The following TKFC variants were observed in gnomAD, a reference collection of about 807,000 sequenced individuals.
TKFC encodes triokinase/FMN cyclase.
In TKFC, 46 loss-of-function variants were observed where a neutral mutation model predicts 61.0. The ratio of observed to expected loss-of-function variants is 0.75; its 90% confidence interval spans 0.60 to 0.96. TKFC has a LOEUF of 0.96. Ranked by LOEUF, TKFC falls within the 50% of genes least tolerant of loss-of-function variation. The pLI is 0.00. For missense variants in TKFC, 715 were observed against 777.5 expected (o/e 0.92, Z 0.96); for synonymous variants, 314 against 330.1 (o/e 0.95, Z 0.53).
In TKFC at chr11:61,343,594, T is replaced by C; in HGVS notation, c.982+136T>C. On this transcript the variant is annotated intron_variant, in intron 11 of 17. Transcript: ENST00000394900. ...CCTGTGAAGAAGGCTCTTCCTGGGC[T>C]TCTCCAGCCTTCTCCAGCTCTCACT... The C allele has an allele frequency of 4.7e-6, 4 of 852,362 alleles. No individual in the cohort carries two copies. The Admixed American group carries it at 9.8e-5, about 21-fold the overall frequency. 52.8% of individuals were successfully genotyped at this position (852,362 alleles called of 1,614,324 possible).
At chr11:61,342,342 T>G in intron 7 of TKFC, 119 bp from the exon 8 acceptor site, 1 of 1,311,444 alleles carries the variant, frequency 7.6e-7, no homozygotes. Context: ...TCTGTCCATT[T>G]CCATCCCCCA....
In TKFC at chr11:61,346,150, G is replaced by T; in HGVS notation, c.1576-201G>T. ...CGCACACTGCCTGGGATGTGACAGG[G>T]CCTCAGTGAATGGTGACCCTTTTCC... On this transcript the variant is annotated intron_variant, in intron 17 of 17. Coordinates refer to ENST00000394900, the MANE Select transcript of TKFC (RefSeq NM_015533.4). This position sits in a 1 kb window ranked among gnomAD's most constrained non-coding sequence, Gnocchi z 4.1. 7.6e-7 allele frequency: 1 copy of T among 1,308,364 alleles called. No individual in the cohort carries two copies. Among genetic ancestry groups the T allele is most frequent in the Admixed American group, 2.6e-5 (1 of 38,900 alleles). 81.0% of individuals were successfully genotyped at this position (1,308,364 alleles called of 1,614,324 possible).
chr11:61,342,553 A>C (rs1194674533), intron 8 of TKFC, 21 bp from the exon 9 acceptor site: 5 of 1,613,856 alleles, frequency 3.1e-6, no homozygotes, highest in Non-Finnish European at 4.2e-6. Context: ...GATGCAGCTC[A>C]TTCCTGGCTC....
downstream of TKFC, chr11:61,353,146 A>G: frequency 6.3e-7 from 1 of 1,597,606 alleles, no homozygotes; most frequent in Non-Finnish European, 8.5e-7. Flanking sequence ...ACCACTGTGG[A>G]CAAAAGGGAG....
chr11:61,345,978 G>C (rs777486996), intron 17 of TKFC, 32 bp downstream of exon 17: 2 of 1,604,714 alleles, frequency 1.2e-6, no homozygotes, highest in African/African-American at 2.7e-5. Context: ...CACCTGGGGA[G>C]ACAGGCTTCT....
chr11:61,343,817 G>A (rs1349976253), intron 11 of TKFC, 39 bp from the exon 12 acceptor site: 3 of 1,587,818 alleles, frequency 1.9e-6, no homozygotes. Flanking sequence ...ATCCCTGGCT[G>A]GACAGCCGTG....
chr11:61,350,050 T>C (rs1012214889), downstream of TKFC: 5 of 508,098 alleles, frequency 9.8e-6, no homozygotes, highest in African/African-American at 9.6e-5. Flanking sequence ...ATGGAGGACC[T>C]GAGAGGCTGA....
chr11:61,336,551 C>T (rs1856613921), intron 2 of TKFC, among the ~76,000 whole-genome samples: 2 of 152,228 alleles, frequency 1.3e-5, no homozygotes, highest in African/African-American at 4.8e-5. Flanking sequence ...TCCACTATAT[C>T]ATGGGCATAT....
intron 12 of TKFC, 41 bp downstream of exon 12, chr11:61,344,016 A>C: frequency 7.5e-6 from 12 of 1,605,322 alleles, no homozygotes; most frequent in Non-Finnish European, 1.0e-5. Flanking sequence ...GGCTTCCCAA[A>C]GGATGCAGGA....
In TKFC at chr11:61,339,417, C is replaced by G. The variant is rs778328525; in HGVS notation, c.468C>G (p.Gly156=). The G allele has an allele frequency of 6.2e-7, 1 of 1,611,634 alleles. No homozygotes were observed. Among genetic ancestry groups the G allele is most frequent in the South Asian group, 1.1e-5 (1 of 90,916 alleles). Reference sequence around the variant, plus strand: ...AGGCAGGCCGGCGGGGGCTGTGCGGCACGGTGCTTATACACAAGGTGGGCT... The same window carrying G: ...AGGCAGGCCGGCGGGGGCTGTGCGGGACGGTGCTTATACACAAGGTGGGCT... ...LKKAGRRGLC[G]TVLIHKVAGA... Residue 156 remains glycine, a synonymous_variant, in exon 5 of 18, where the codon GGC becomes GGG. Coordinates refer to ENST00000394900, the MANE Select transcript of TKFC (RefSeq NM_015533.4).
intron 2 of TKFC, among the ~76,000 whole-genome samples, chr11:61,336,850 C>G (rs894487506): frequency 6.6e-6 from 1 of 152,174 alleles, no homozygotes; most frequent in Non-Finnish European, 1.5e-5. Context: ...CTCCCCACCC[C>G]TTCCTGCTGG....
chr11:61,349,823 A>G (rs955536857), downstream of TKFC: 26 of 600,916 alleles, frequency 4.3e-5, no homozygotes, highest in Non-Finnish European at 7.0e-5. Flanking sequence ...TGGATGGCAG[A>G]GCAGATGAAG....
rs118134551 is a variant in TKFC, at chr11:61,349,109, C to T, written c.*2606C>T. 5.5e-6 allele frequency: 1 copy of T among 180,658 alleles called. No homozygotes were observed. The highest frequency in any genetic ancestry group is 1.2e-5 in the Non-Finnish European group (1 of 83,508). 11.2% of individuals were successfully genotyped at this position (180,658 alleles called of 1,614,324 possible). On this transcript the variant is annotated 3_prime_UTR_variant, in exon 18 of 18. Transcript: ENST00000394900. The stretch of plus-strand genomic sequence containing the variant: ...AGCACAGCAGTCTGAAGCTTGGGAC[C>T]TGGCAGTGCGTCTTTGGAGAAGGCA...
chr11:61,343,301 C>T, intron 10 of TKFC, 41 bp from the exon 11 acceptor site: 1 of 1,562,226 alleles, frequency 6.4e-7, no homozygotes. Context: ...TTCCCTGATG[C>T]CCATTTTTCC....
chr11:61,350,062 G>A (rs891406272), downstream of TKFC: 1 of 520,358 alleles, frequency 1.9e-6, no homozygotes, highest in Non-Finnish European at 3.5e-6. Context: ...AGAGGCTGAC[G>A]CCAAGGAGTG....
chr11:61,350,668 A>C (rs1368328608), downstream of TKFC: 6 of 602,380 alleles, frequency 1.0e-5, no homozygotes, highest in Non-Finnish European at 1.7e-5. Flanking sequence ...CAGGCTGGTA[A>C]AGGAGAAATC....
chr11:61,343,483 C>G, intron 11 of TKFC, 25 bp downstream of exon 11: 1 of 1,603,862 alleles, frequency 6.2e-7, no homozygotes, highest in Non-Finnish European at 8.5e-7. Flanking sequence ...CTGGGGTCAC[C>G]CAAGCCAGGG....
At chr11:61,334,582 G>C in intron 1 of TKFC, 38 bp from the exon 2 acceptor site, 1 of 1,044,634 alleles carries the variant, frequency 9.6e-7, no homozygotes, top group Non-Finnish European at 1.4e-6. Flanking sequence ...TCGACTGCGA[G>C]TTCCTTCCGC....
intron 3 of TKFC, 72 bp downstream of exon 3, chr11:61,338,202 C>T (rs933197113): frequency 5.7e-6 from 8 of 1,392,958 alleles, no homozygotes; most frequent in Admixed American, 5.3e-5. Context: ...CTTAGTGCTG[C>T]CATGAAGTGC....
Sources: gnomAD v4.1 joint callset for allele counts (sites outside exome capture counted in the v4.1 genomes callset) on GRCh38, gnomAD v4.1.1 for gene constraint, Gnocchi (gnomAD v3.1) non-coding constraint, MANE v1.5 for transcripts, NCBI Gene and HGNC (gene_info 2026-07-23, HGNC 2026-07-21) for gene names.